The following CPNE4 variants were observed in gnomAD, a reference collection of about 807,000 sequenced individuals.
CPNE4 encodes the protein copine 4, also known as copine-4.
CPNE4 carries 25 observed loss-of-function variants against 67.9 expected under a neutral mutation model. The observed-to-expected ratio is 0.37, with a 90% CI of 0.27 to 0.51. The LOEUF (loss-of-function observed/expected upper bound fraction) is 0.51. Ranked by LOEUF, CPNE4 falls within the 20% of genes least tolerant of loss-of-function variation. The pLI, the probability that CPNE4 is intolerant of heterozygous loss-of-function variation, is 0.93. For synonymous variants in CPNE4, 242 were observed against 244.9 expected (o/e 0.99, Z 0.11); for missense variants, 464 against 690.8 (o/e 0.67, Z 3.68).
chr3:131,874,279 G>A (rs1256048278), intron 2 of CPNE4, among the ~76,000 whole-genome samples: 2 of 151,988 alleles, frequency 1.3e-5, no homozygotes, highest in Non-Finnish European at 1.5e-5. Context: ...CAGTAGAGAC[G>A]GGGTTGCACC....
chr3:131,871,888 G>A (rs1004140642), intron 2 of CPNE4, among the ~76,000 whole-genome samples: 4 of 151,966 alleles, frequency 2.6e-5, no homozygotes, highest in East Asian at 1.9e-4. Context: ...GAACACTATC[G>A]CCTCTATGAA....
Position 131,542,748 on chromosome 3 carries a change from T to C in CPNE4, c.1348A>G (p.Met450Val). ...ACAATGGCCTCCCGGGTGTCGGCCA[T>C]GTCTGTGATAACACCATCTGTCAGG... ...LILTDGVITD[M>V]ADTREAIVHA... The change falls in exon 15 of 16, where the codon ATG (methionine) becomes GTG (valine). Residue 450 changes from methionine to valine, a missense_variant. Met to Val is a conservative substitution (Grantham distance 21). Around this residue, in one of 6 missense-constraint regions of CPNE4, gnomAD observed 201 missense variants for 357.7 expected, o/e 0.56. Coordinates refer to ENST00000429747, the MANE Select transcript of CPNE4 (RefSeq NM_130808.3). The C allele has an allele frequency of 6.2e-7, 1 of 1,614,010 alleles. No individual in the cohort carries two copies. The highest frequency in any genetic ancestry group is 8.5e-7 in the Non-Finnish European group (1 of 1,179,940).
chr3:131,864,048 CT>C (rs1412962057), intron 2 of CPNE4, among the ~76,000 whole-genome samples: 1 of 151,972 alleles, frequency 6.6e-6, no homozygotes, highest in African/African-American at 2.4e-5. Context: ...GGGCTCTGTT[CT>C]GTTCCATTGG....
chr3:131,968,483 A>G (rs904411311), intron 1 of CPNE4, among the ~76,000 whole-genome samples: 1 of 152,266 alleles, frequency 6.6e-6, no homozygotes, highest in African/African-American at 2.4e-5. Context: ...AATATCCAGA[A>G]TCTATGAGGA....
At chr3:131,797,287 G>T (rs1187322978) in intron 2 of CPNE4, among the ~76,000 whole-genome samples, 1 of 152,188 alleles carries the variant, frequency 6.6e-6, no homozygotes, top group Non-Finnish European at 1.5e-5. Context: ...ACTCTGGCAA[G>T]AGGTGGCTTC....
intron 2 of CPNE4, among the ~76,000 whole-genome samples, chr3:131,792,944 C>A (rs2083817800): frequency 8.4e-6 from 1 of 119,368 alleles, no homozygotes. Flanking sequence ...ACAAAACATG[C>A]CAAAACCAGA....
intron 2 of CPNE4, among the ~76,000 whole-genome samples, chr3:131,762,779 T>C (rs1017138774): frequency 2.0e-5 from 3 of 152,060 alleles, no homozygotes; most frequent in Non-Finnish European, 4.4e-5. Flanking sequence ...TTTACAGATA[T>C]CATCATTATT....
intron 1 of CPNE4, among the ~76,000 whole-genome samples, chr3:132,013,155 G>A (rs974647070): frequency 1.3e-5 from 2 of 152,118 alleles, no homozygotes; most frequent in African/African-American, 4.8e-5. Context: ...CCCCAGAGGC[G>A]GAGGTTGCAG....
At chr3:131,751,718 T>C (rs927779689) in intron 2 of CPNE4, among the ~76,000 whole-genome samples, 5 of 152,166 alleles carry the variant, frequency 3.3e-5, no homozygotes, top group African/African-American at 1.2e-4. Context: ...CATTTTTTTG[T>C]ATGTATTTTG....
At position 131,535,127 on chromosome 3, in the gene CPNE4, TAGA is replaced by T. The variant is rs1411947740; in HGVS notation, c.*65_*67del. The T allele has an allele frequency of 6.9e-7, 1 of 1,452,730 alleles. No individual in the cohort carries two copies. The highest frequency in any genetic ancestry group is 9.3e-7 in the Non-Finnish European group (1 of 1,073,982). The allele number at this position is 1,452,730 out of a possible 1,614,324, so 90.0% of individuals were successfully genotyped here. ...TTGGTTTTTTAAAGTACAGGAGTAG[TAGA>T]AGTATTAAATATGAAATATTAGCAG... On this transcript the variant is annotated 3_prime_UTR_variant, in exon 16 of 16. Transcript: ENST00000429747.
At chr3:131,975,987 T>C (rs1421013727) in intron 1 of CPNE4, among the ~76,000 whole-genome samples, 5 of 152,158 alleles carry the variant, frequency 3.3e-5, no homozygotes, top group South Asian at 2.1e-4. Flanking sequence ...TACTATGCAG[T>C]TGTGACAAAG....
intron 1 of CPNE4, among the ~76,000 whole-genome samples, chr3:132,032,830 T>G (rs958156145): frequency 1.3e-5 from 2 of 152,240 alleles, no homozygotes; most frequent in African/African-American, 4.8e-5. Context: ...TCATCTTATC[T>G]TTTGGTTAAT....
In CPNE4 at chr3:131,542,963, T is replaced by G. The variant is rs529267498; in HGVS notation, c.1303-170A>C. 8.5e-6 allele frequency: 5 copies of G among 589,858 alleles called. No homozygotes were observed. The African/African-American group carries it at 9.3e-5, about 11-fold the overall frequency. The allele number at this position is 589,858 out of a possible 1,614,324, so 36.5% of individuals were successfully genotyped here. On this transcript the variant is annotated intron_variant, in intron 14 of 15. Coordinates refer to ENST00000429747, the MANE Select transcript of CPNE4 (RefSeq NM_130808.3). The stretch of plus-strand genomic sequence containing the variant: ...TAGTCCTAAAGGCTTAGGGTTCTGA[T>G]GAATGGAGCTTAAAGGTAGGCATGG...
intron 2 of CPNE4, among the ~76,000 whole-genome samples, chr3:131,747,652 A>G (rs1398504165): frequency 2.0e-5 from 3 of 152,122 alleles, no homozygotes; most frequent in Admixed American, 6.6e-5. Flanking sequence ...GATTGCAGGC[A>G]TGTACCACAT....
At chr3:131,848,981 AAC>A (rs2086125202) in intron 2 of CPNE4, among the ~76,000 whole-genome samples, 1 of 141,668 alleles carries the variant, frequency 7.1e-6, no homozygotes, top group African/African-American at 2.5e-5. Context: ...AAAAAAAAAA[AAC>A]ACAGAGATAT....
intron 7 of CPNE4, among the ~76,000 whole-genome samples, chr3:131,629,744 C>A (rs2079171532): frequency 6.6e-6 from 1 of 152,104 alleles, no homozygotes; most frequent in Admixed American, 6.6e-5. Flanking sequence ...TGTGCCTGGT[C>A]AATAGTGTAA....
intron 1 of CPNE4, among the ~76,000 whole-genome samples, chr3:131,982,414 C>T (rs928475891): frequency 4.6e-5 from 7 of 152,124 alleles, no homozygotes; most frequent in African/African-American, 1.2e-4. Context: ...GCACTGGATG[C>T]AAATGTACTC....
intron 2 of CPNE4, among the ~76,000 whole-genome samples, chr3:131,820,734 C>T (rs1340276480): frequency 6.6e-6 from 1 of 152,182 alleles, no homozygotes; most frequent in East Asian, 1.9e-4. Flanking sequence ...CAGAAACACA[C>T]ACTCATCTCT....
At chr3:131,695,723 T>C (rs1227911070) in intron 5 of CPNE4, among the ~76,000 whole-genome samples, 1 of 152,206 alleles carries the variant, frequency 6.6e-6, no homozygotes, top group Admixed American at 6.5e-5. Context: ...TTCATGCTCA[T>C]GTTAAGAATG....
Sources: allele counts gnomAD v4.1 joint callset (sites outside exome capture counted in the v4.1 genomes callset), GRCh38; gene constraint gnomAD v4.1.1; regional missense constraint gnomAD v4.1.1; transcripts MANE v1.5; gene names NCBI Gene and HGNC (gene_info 2026-07-23, HGNC 2026-07-21).